The following EHMT1 variants were observed in gnomAD, a reference collection of about 807,000 sequenced individuals.
EHMT1 encodes the protein histone-lysine N-methyltransferase EHMT1.
Under a neutral mutation model 147.2 loss-of-function variants are expected in EHMT1, and 15 were observed. That is an observed-to-expected ratio of 0.10 (90% confidence interval 0.07 to 0.16). The LOEUF is 0.16. Among genes scored for constraint, EHMT1 ranks in the 10% least tolerant of loss-of-function variants. EHMT1 has a pLI of 1.00. For missense variants in EHMT1, 1,587 were observed against 1,772.4 expected, an observed-to-expected ratio of 0.90 and a Z score of 1.88; for synonymous variants, 795 against 709.6, an observed-to-expected ratio of 1.12 and a Z score of -1.91.
intron 4 of EHMT1, among the ~76,000 whole-genome samples, chr9:137,742,574 T>A (rs1948196288): frequency 6.6e-6 from 1 of 152,066 alleles, no homozygotes; most frequent in Admixed American, 6.6e-5. Flanking sequence ...GGAGTCTGAT[T>A]ATATAAAACC....
intron 3 of EHMT1, among the ~76,000 whole-genome samples, chr9:137,723,981 G>A (rs73570093): frequency 0.023 from 3,465 of 152,294 alleles, 150 homozygotes; most frequent in African/African-American, 0.078. Flanking sequence ...AGTGGAAGTC[G>A]CCGGAAGGGA....
intron 1 of EHMT1, among the ~76,000 whole-genome samples, chr9:137,674,538 G>C (rs1019637777): frequency 6.6e-6 from 1 of 152,214 alleles, no homozygotes; most frequent in African/African-American, 2.4e-5. Flanking sequence ...GCAAGTCCAG[G>C]TAGCTGTGGC....
chr9:137,691,788 A>G (rs1165001809), intron 1 of EHMT1, among the ~76,000 whole-genome samples: 1 of 152,096 alleles, frequency 6.6e-6, no homozygotes, highest in Non-Finnish European at 1.5e-5. Context: ...CTCTTTGATG[A>G]CAGTCTCTCC....
In EHMT1 at chr9:137,835,697, C is replaced by T. The variant is rs1379015807; in HGVS notation, c.*744C>T. The T allele has an allele frequency of 6.6e-6, 1 of 152,626 alleles. No individual in the cohort carries two copies. Among genetic ancestry groups the T allele is most frequent in the Non-Finnish European group, 1.5e-5 (1 of 68,046 alleles). 9.5% of individuals were successfully genotyped at this position (152,626 alleles called of 1,614,324 possible). A position where few individuals can be genotyped will look rare whatever the true frequency, so the allele number is the denominator to read the frequency against. ...TAAACTGATTTATTTTCTACCATTA[C>T]TGAACATTAGGACAAACACAAAATA... On this transcript the variant is annotated 3_prime_UTR_variant, in exon 27 of 27. Transcript: ENST00000460843.
intron 16 of EHMT1, among the ~76,000 whole-genome samples, chr9:137,791,242 C>G (rs938525516): frequency 6.6e-6 from 1 of 152,138 alleles, no homozygotes; most frequent in African/African-American, 2.4e-5. Flanking sequence ...AGTACATCGT[C>G]TCACCCTGTC....
At chr9:137,817,869 C>T (rs996719536) in intron 24 of EHMT1, 191 bp from the exon 25 acceptor site, 56 of 653,320 alleles carry the variant, frequency 8.6e-5, no homozygotes, top group Non-Finnish European at 1.4e-4. Context: ...CTTTCGGTAT[C>T]GTTATCATCA....
At chr9:137,767,627 A>AC (rs1950299285) in intron 10 of EHMT1, among the ~76,000 whole-genome samples, 1 of 152,172 alleles carries the variant, frequency 6.6e-6, no homozygotes, top group Non-Finnish European at 1.5e-5. Context: ...AGCCCGGCCA[A>AC]CATGGGGAAA....
At chr9:137,667,277 A>G (rs1275454958) in intron 1 of EHMT1, 1 of 152,256 alleles carries the variant, frequency 6.6e-6, no homozygotes. Flanking sequence ...TGTGATGTAA[A>G]TTTTAACGGT....
chr9:137,773,363 A>G (rs116962498), intron 10 of EHMT1, among the ~76,000 whole-genome samples: 1 of 152,044 alleles, frequency 6.6e-6, no homozygotes, highest in Non-Finnish European at 1.5e-5. Context: ...CCCTGGTTCT[A>G]CGCCTTTCAG....
intron 15 of EHMT1, chr9:137,788,427 CTTGTAGGTGAAAGGAGG>C: frequency 4.5e-6 from 1 of 221,312 alleles, no homozygotes; most frequent in East Asian, 1.0e-4. Context: ...GTTTAGGGAT[CTTGTAGGTGAAAGGAGG>C]TTGCAGGCGT....
At position 137,813,073 on chromosome 9, in the gene EHMT1, G is replaced by A; in HGVS notation, c.2935G>A (p.Ala979Thr). The A allele has an allele frequency of 6.2e-7, 1 of 1,613,832 alleles. No individual in the cohort carries two copies. Among genetic ancestry groups the A allele is most frequent in the Non-Finnish European group, 8.5e-7 (1 of 1,180,032 alleles). The change falls in exon 20 of 27, where the codon GCG becomes ACG. Residue 979 changes from alanine (A) to threonine (T), a missense_variant. Coordinates refer to ENST00000460843, the MANE Select transcript of EHMT1 (RefSeq NM_024757.5). The surrounding 1 kb of genome is among the most constrained non-coding windows in gnomAD (Gnocchi z 4.9). ...GGAAGGAGAGACGCCCCTGCAGTGTGCGAGCCTCAACTCTCAGGTGTGGAG... is the reference window on the plus strand; with the variant it reads ...GGAAGGAGAGACGCCCCTGCAGTGTACGAGCCTCAACTCTCAGGTGTGGAG... ...NKEGETPLQC[A>T]SLNSQVWSAL...
At chr9:137,783,071 C>T (rs1457776851) in intron 15 of EHMT1, among the ~76,000 whole-genome samples, 3 of 152,202 alleles carry the variant, frequency 2.0e-5, no homozygotes, top group African/African-American at 7.2e-5. Context: ...TAGGAACTTT[C>T]CTTGAACCCC....
At chr9:137,669,346 C>CT (rs879343961) in intron 1 of EHMT1, among the ~76,000 whole-genome samples, 725 of 12,662 alleles carry the variant, frequency 0.057, 227 homozygotes, top group African/African-American at 0.12. Flanking sequence ...GGACCCCACA[C>CT]CACCCAAGAC....
At chr9:137,697,286 A>C (rs1943472051) in intron 1 of EHMT1, 1 of 218,622 alleles carries the variant, frequency 4.6e-6, no homozygotes, top group African/African-American at 2.4e-5. Context: ...TTCAAAACAA[A>C]CAAACAACCA....
intron 25 of EHMT1, among the ~76,000 whole-genome samples, chr9:137,822,089 G>A (rs1009688791): frequency 1.3e-5 from 2 of 152,198 alleles, no homozygotes; most frequent in Non-Finnish European, 2.9e-5. Flanking sequence ...TGAGCCCTTA[G>A]TCCCTCCTTC....
At chr9:137,829,169 C>G (rs1441317278) in intron 25 of EHMT1, among the ~76,000 whole-genome samples, 5 of 152,208 alleles carry the variant, frequency 3.3e-5, no homozygotes, top group African/African-American at 4.8e-5. Context: ...GCAGCACTTT[C>G]TCCACACAGG....
Position 137,787,430 on chromosome 9 carries a change from C to T in EHMT1, c.2383-3418C>T, listed in dbSNP as rs1952069345. On this transcript the variant is annotated intron_variant, in intron 15 of 26. Coordinates refer to ENST00000460843, the MANE Select transcript of EHMT1 (RefSeq NM_024757.5). This position sits in a 1 kb window ranked among gnomAD's most constrained non-coding sequence, Gnocchi z 4.2. ...GCTATTCCAGGCTCAGCCCTGCCTCCCACAGCCTTGCCTCTGGGTGTAGGG... is the reference window on the plus strand; with the variant it reads ...GCTATTCCAGGCTCAGCCCTGCCTCTCACAGCCTTGCCTCTGGGTGTAGGG... 6.6e-6 allele frequency among the ~76,000 whole-genome samples: 1 copy of T among 152,204 alleles called. No homozygotes were observed. Among genetic ancestry groups the T allele is most frequent in the African/African-American group, 2.4e-5 (1 of 41,450 alleles).
intron 16 of EHMT1, among the ~76,000 whole-genome samples, chr9:137,797,823 G>A (rs1953086507): frequency 6.6e-6 from 1 of 152,174 alleles, no homozygotes; most frequent in African/African-American, 2.4e-5. Context: ...CAGGAACAGG[G>A]GAGCAAAGCA....
chr9:137,638,569 C>T (rs1001149924), intron 1 of EHMT1, among the ~76,000 whole-genome samples: 1 of 152,126 alleles, frequency 6.6e-6, no homozygotes, highest in Non-Finnish European at 1.5e-5. Context: ...TTTCTTAATG[C>T]TTTTAGCTAT....
Sources: allele counts gnomAD v4.1 joint callset (sites outside exome capture counted in the v4.1 genomes callset), GRCh38; gene constraint gnomAD v4.1.1; non-coding constraint Gnocchi (gnomAD v3.1); transcripts MANE v1.5; gene names NCBI Gene and HGNC (gene_info 2026-07-23, HGNC 2026-07-21).